GMDS: variants seen among roughly 807,000 people sequenced by gnomAD.
The protein encoded by GMDS is GDP-mannose 4,6-dehydratase.
A neutral mutation model predicts 49.9 loss-of-function variants in GMDS; 20 were observed. The observed-to-expected ratio is 0.40, with a 90% CI of 0.28 to 0.58. The LOEUF (loss-of-function observed/expected upper bound fraction) is 0.58, where lower values mean the gene tolerates loss of function less well. GMDS is among the 20% of genes least tolerant of loss of function. The pLI, the probability that GMDS is intolerant of heterozygous loss-of-function variation, is 0.42. For missense variants in GMDS, 362 were observed against 481.4 expected, an observed-to-expected ratio of 0.75 and a Z score of 2.32; for synonymous variants, 177 against 178.6, an observed-to-expected ratio of 0.99 and a Z score of 0.07.
intron 7 of GMDS, among the ~76,000 whole-genome samples, chr6:1,887,731 G>A (rs1272170225): frequency 6.6e-6 from 1 of 151,950 alleles, no homozygotes; most frequent in Admixed American, 6.6e-5. Flanking sequence ...CTCCATACAG[G>A]TATTCTTCAG....
chr6:2,000,027 ATCTATATC>A (rs1766686265), intron 4 of GMDS, among the ~76,000 whole-genome samples: 1 of 11,488 alleles, frequency 8.7e-5, no homozygotes, highest in African/African-American at 2.5e-4. Context: ...ATATATATAT[ATCTATATC>A]TTTTTTTTTT....
chr6:1,922,564 T>A lies in GMDS; in HGVS notation c.771+7539A>T, dbSNP rs551602019. Among the ~76,000 whole-genome samples the A allele has an allele frequency of 2.0e-5, 3 of 152,318 alleles. No individual in the cohort carries two copies. The South Asian group carries it at 6.2e-4, about 32-fold the overall frequency. Reference sequence around the variant, plus strand: ...CTCCTGAATGGTTCCTTCGGAATAATGCCTTTTTGCCCATCAAATGTTGCC... The same window carrying A: ...CTCCTGAATGGTTCCTTCGGAATAAAGCCTTTTTGCCCATCAAATGTTGCC... On this transcript the variant is annotated intron_variant, in intron 7 of 10. Coordinates refer to ENST00000380815, the MANE Select transcript of GMDS (RefSeq NM_001500.4).
chr6:1,769,616 GT>G (rs1385084547), intron 7 of GMDS, among the ~76,000 whole-genome samples: 2 of 152,186 alleles, frequency 1.3e-5, no homozygotes, highest in Non-Finnish European at 2.9e-5. Flanking sequence ...GACCTCAATA[GT>G]TTAAAGCTCT....
At chr6:1,740,533 G>C (rs1487899702) in intron 8 of GMDS, among the ~76,000 whole-genome samples, 1 of 151,556 alleles carries the variant, frequency 6.6e-6, no homozygotes, top group South Asian at 2.1e-4. Flanking sequence ...CTCCAGCCTG[G>C]GGGACAGAGT....
At chr6:2,159,514 CTTTTTTTTTT>C (rs1157303919) in intron 1 of GMDS, among the ~76,000 whole-genome samples, 3 of 108,204 alleles carry the variant, frequency 2.8e-5, no homozygotes, top group African/African-American at 6.9e-5. Flanking sequence ...TTCTTTTTTT[CTTTTTTTTTT>C]TTTTTTTTTT....
intron 7 of GMDS, among the ~76,000 whole-genome samples, chr6:1,806,172 T>G (rs1045556189): frequency 1.3e-5 from 2 of 152,164 alleles, no homozygotes; most frequent in Admixed American, 1.3e-4. Flanking sequence ...TAATCAACTT[T>G]TCTCTCCAAG....
At chr6:1,954,008 T>A (rs989549522) in intron 6 of GMDS, among the ~76,000 whole-genome samples, 1 of 152,184 alleles carries the variant, frequency 6.6e-6, no homozygotes, top group Non-Finnish European at 1.5e-5. Context: ...CCTTTTTCCC[T>A]AGAGAGTCTA....
chr6:1,689,501 AC>A (rs1487184945), intron 9 of GMDS, among the ~76,000 whole-genome samples: 5 of 152,244 alleles, frequency 3.3e-5, no homozygotes, highest in Non-Finnish European at 7.3e-5. Context: ...GTTAGAAATG[AC>A]ACCACCTCTT....
chr6:2,228,812 AC>A (rs1476745745), intron 1 of GMDS, among the ~76,000 whole-genome samples: 1 of 151,758 alleles, frequency 6.6e-6, no homozygotes, highest in Non-Finnish European at 1.5e-5. Flanking sequence ...TAGCCCCAAT[AC>A]CCCCCGTTGA....
intron 9 of GMDS, among the ~76,000 whole-genome samples, chr6:1,662,237 A>G (rs1764104059): frequency 1.3e-5 from 2 of 152,098 alleles, no homozygotes; most frequent in Admixed American, 6.6e-5. Context: ...GCACTGGGAA[A>G]CTGAGGTGGC....
At chr6:2,195,937 A>G (rs1020793421) in intron 1 of GMDS, among the ~76,000 whole-genome samples, 1 of 152,064 alleles carries the variant, frequency 6.6e-6, no homozygotes, top group African/African-American at 2.4e-5. Flanking sequence ...AACTGTGGAG[A>G]GTATATGCCA....
chr6:1,821,060 A>G (rs969725633), intron 7 of GMDS, among the ~76,000 whole-genome samples: 1 of 152,224 alleles, frequency 6.6e-6, no homozygotes, highest in Non-Finnish European at 1.5e-5. Context: ...TCTTGTATAC[A>G]TGGACTCTAT....
intron 9 of GMDS, among the ~76,000 whole-genome samples, chr6:1,655,614 C>T (rs1763855112): frequency 6.6e-6 from 1 of 152,084 alleles, no homozygotes; most frequent in African/African-American, 2.4e-5. Flanking sequence ...AACAATTCTC[C>T]CGCCTCAGCC....
intron 3 of GMDS, 47 bp downstream of exon 3, chr6:2,117,422 T>C (rs1241802357): frequency 1.8e-6 from 2 of 1,114,856 alleles, no homozygotes; most frequent in Non-Finnish European, 2.8e-6. Context: ...TAGGAACATC[T>C]GAAAACACCT....
chr6:2,027,784 T>C (rs1326381706), intron 4 of GMDS, among the ~76,000 whole-genome samples: 1 of 152,176 alleles, frequency 6.6e-6, no homozygotes, highest in Non-Finnish European at 1.5e-5. Context: ...AAAATATATT[T>C]TTAACGGAAA....
chr6:1,716,980 C>T (rs1273035770), intron 9 of GMDS, among the ~76,000 whole-genome samples: 1 of 152,180 alleles, frequency 6.6e-6, no homozygotes, highest in Non-Finnish European at 1.5e-5. Context: ...CCAGCGTCTT[C>T]CATTTTGGTT....
At chr6:2,079,698 A>C (rs1772559485) in intron 4 of GMDS, among the ~76,000 whole-genome samples, 1 of 152,000 alleles carries the variant, frequency 6.6e-6, no homozygotes, top group South Asian at 2.1e-4. Context: ...TTTCTTTACA[A>C]CTGACTAGGC....
At chr6:1,651,928 C>T (rs1763663287) in intron 9 of GMDS, among the ~76,000 whole-genome samples, 1 of 142,618 alleles carries the variant, frequency 7.0e-6, no homozygotes, top group African/African-American at 2.6e-5. Context: ...ATCACACACT[C>T]AGTCGGGTGT....
chr6:1,716,524 A>T (rs1045963361), intron 9 of GMDS, among the ~76,000 whole-genome samples: 21 of 152,192 alleles, frequency 1.4e-4, no homozygotes, highest in African/African-American at 5.1e-4. Context: ...TACAAATAAG[A>T]GGAGTGGCTA....
Sources: gnomAD v4.1 joint callset for allele counts (sites outside exome capture counted in the v4.1 genomes callset) on GRCh38, gnomAD v4.1.1 for gene constraint, MANE v1.5 for transcripts, NCBI Gene and HGNC (gene_info 2026-07-23, HGNC 2026-07-21) for gene names.